QKI: variants seen among roughly 807,000 people sequenced by gnomAD.
QKI encodes the protein QKI, KH domain containing RNA binding.
QKI carries 10 observed loss-of-function variants against 39.0 expected under a neutral mutation model. The observed-to-expected ratio is 0.26, with a 90% CI of 0.16 to 0.43. The LOEUF (loss-of-function observed/expected upper bound fraction) is 0.43. Among genes scored for constraint, QKI ranks in the 20% least tolerant of loss-of-function variants. The pLI, the probability that QKI is intolerant of heterozygous loss-of-function variation, is 1.00. For synonymous variants in QKI, 204 were observed against 155.4 expected (o/e 1.31, Z -2.33); for missense variants, 218 against 428.0 (o/e 0.51, Z 4.33).
chr6:163,495,425 A>G (rs549049522), intron 3 of QKI, among the ~76,000 whole-genome samples: 20 of 152,260 alleles, frequency 1.3e-4, no homozygotes, highest in Non-Finnish European at 1.9e-4. Flanking sequence ...GTATGTACAT[A>G]TATAAAATAA....
At chr6:163,452,085 A>G (rs889305505) in intron 1 of QKI, among the ~76,000 whole-genome samples, 1 of 152,246 alleles carries the variant, frequency 6.6e-6, no homozygotes, top group African/African-American at 2.4e-5. Context: ...TTGAATAAGT[A>G]TATGAAGCAC....
Position 163,455,429 on chromosome 6 carries a change from T to C in QKI, c.285+8T>C, listed in dbSNP as rs1327559590. 1.2e-6 allele frequency: 2 copies of C among 1,607,344 alleles called. No homozygotes were observed. The highest frequency in any genetic ancestry group is 1.7e-5 in the Admixed American group (1 of 59,520). On this transcript the variant is annotated splice_region_variant and intron_variant, in intron 2 of 7. Coordinates refer to ENST00000361752, the MANE Select transcript of QKI (RefSeq NM_006775.3). Reference sequence around the variant, plus strand: ...GTAAAAGAATACCCAGATGTAAGTATATTTTGTTGTTTTATTCAATTTTGT... The same window carrying C: ...GTAAAAGAATACCCAGATGTAAGTACATTTTGTTGTTTTATTCAATTTTGT...
rs1344749357 is a variant in QKI at position 163,564,519 on chromosome 6, C to T, written c.934+800C>T. The T allele has an allele frequency of 4.7e-6, 7 of 1,479,912 alleles. No homozygotes were observed. The Middle Eastern group carries it at 6.5e-4, about 137-fold the overall frequency. 91.7% of individuals were successfully genotyped at this position (1,479,912 alleles called of 1,614,324 possible). A position where few individuals can be genotyped will look rare whatever the true frequency, so the allele number is the denominator to read the frequency against. On this transcript the variant is annotated intron_variant, in intron 6 of 7. Transcript: ENST00000361752. Reference sequence around the variant, plus strand: ...AGAGATACTCTTAATTTCAGTAGTACAGTATGGAATAGTTAAATAAATAGC... The same window carrying T: ...AGAGATACTCTTAATTTCAGTAGTATAGTATGGAATAGTTAAATAAATAGC...
intron 6 of QKI, chr6:163,565,804 C>A: frequency 7.4e-7 from 1 of 1,357,572 alleles, no homozygotes; most frequent in South Asian, 2.2e-5. Context: ...ATTTATGTCA[C>A]ATCTCACATT....
intron 1 of QKI, among the ~76,000 whole-genome samples, chr6:163,424,060 T>C (rs1788211067): frequency 2.0e-5 from 3 of 152,244 alleles, no homozygotes; most frequent in Non-Finnish European, 4.4e-5. Context: ...ATCGTATTCC[T>C]GATGCCAGCA....
At position 163,495,609 on chromosome 6, in the gene QKI, A is replaced by G. The variant is rs141947240; in HGVS notation, c.402+16713A>G. Among the ~76,000 whole-genome samples, 96 of 152,246 alleles carry G rather than the reference A, an allele frequency of 6.3e-4. 2 individuals are homozygous for G. The East Asian group carries it at 0.017, about 28-fold the overall frequency. On this transcript the variant is annotated intron_variant, in intron 3 of 7. Coordinates refer to ENST00000361752, the MANE Select transcript of QKI (RefSeq NM_006775.3). Reference sequence around the variant, plus strand: ...TTATTTGATGGACATTCTAAATTCAAATTTTCCAATTTTTCATTAGTTGTA... The same window carrying G: ...TTATTTGATGGACATTCTAAATTCAGATTTTCCAATTTTTCATTAGTTGTA...
rs997141891 is a variant in QKI, at chr6:163,572,562, T to A, written c.*1852T>A. 1 of 151,744 alleles carries A rather than the reference T, an allele frequency of 6.6e-6. No homozygotes were observed. Among genetic ancestry groups the A allele is most frequent in the South Asian group, 2.1e-4 (1 of 4,806 alleles). The allele number at this position is 151,744 out of a possible 1,614,324, so 9.4% of individuals were successfully genotyped here. On this transcript the variant is annotated 3_prime_UTR_variant, in exon 8 of 8. Coordinates refer to ENST00000361752, the MANE Select transcript of QKI (RefSeq NM_006775.3). ...CTAATTTCTCAAGAAGTTGAAACAGTTAGTTATGTAGTTGAAGCAATTTGT... is the reference window on the plus strand; with the variant it reads ...CTAATTTCTCAAGAAGTTGAAACAGATAGTTATGTAGTTGAAGCAATTTGT...
intron 3 of QKI, among the ~76,000 whole-genome samples, chr6:163,483,028 C>T (rs1310952178): frequency 6.6e-6 from 1 of 152,144 alleles, no homozygotes; most frequent in East Asian, 1.9e-4. Flanking sequence ...CAGAAAGACA[C>T]AAACAGGTTC....
intron 2 of QKI, among the ~76,000 whole-genome samples, chr6:163,473,840 A>G (rs1792381837): frequency 6.6e-6 from 1 of 152,180 alleles, no homozygotes; most frequent in Admixed American, 6.6e-5. Flanking sequence ...TGCTACCAGA[A>G]TAACCTTGAT....
intron 3 of QKI, among the ~76,000 whole-genome samples, chr6:163,489,975 G>T (rs983778012): frequency 6.6e-6 from 1 of 152,004 alleles, no homozygotes; most frequent in Non-Finnish European, 1.5e-5. Flanking sequence ...TCTTCCTTCA[G>T]CCTCCCTTAT....
At position 163,439,371 on chromosome 6, in the gene QKI, G is replaced by A. The variant is rs560200168; in HGVS notation, c.143-15908G>A. On this transcript the variant is annotated intron_variant, in intron 1 of 7. Coordinates refer to ENST00000361752, the MANE Select transcript of QKI (RefSeq NM_006775.3). The stretch of plus-strand genomic sequence containing the variant: ...TTTTTTTTTCGGGGGGGTGGGGGAC[G>A]GAGTCTCACTCTGTTGCCCAGGCTG... Among the ~76,000 whole-genome samples the A allele has an allele frequency of 1.8e-4, 26 of 143,914 alleles. No homozygotes were observed. The East Asian group carries it at 4.6e-3, about 25-fold the overall frequency. The allele number at this position is 143,914 out of a possible 152,430, so 94.4% of individuals were successfully genotyped here.
chr6:163,432,506 G>T lies in QKI; in HGVS notation c.142+17171G>T, dbSNP rs140568285. ...ACTCCTGGGCTCAAGCGATCCTCCTGCCTCAGCCTCCAGAGAGGTAGGACT... is the reference window on the plus strand; with the variant it reads ...ACTCCTGGGCTCAAGCGATCCTCCTTCCTCAGCCTCCAGAGAGGTAGGACT... On this transcript the variant is annotated intron_variant, in intron 1 of 7. Transcript: ENST00000361752. Among the ~76,000 whole-genome samples the T allele has an allele frequency of 2.9e-3, 438 of 151,370 alleles. 2 individuals are homozygous for T. Among genetic ancestry groups the T allele is most frequent in the African/African-American group, 9.9e-3 (406 of 41,156 alleles).
At position 163,576,584 on chromosome 6, in the gene QKI, A is replaced by G. The variant is rs1219162233; in HGVS notation, c.*5874A>G. On this transcript the variant is annotated 3_prime_UTR_variant, in exon 8 of 8. Coordinates refer to ENST00000361752, the MANE Select transcript of QKI (RefSeq NM_006775.3). ...TTTACTGTGGAAATTGTGTATATAT[A>G]TATATATAGTCGAAATAGGTGTTCA... 1 of 152,080 alleles carries G rather than the reference A, an allele frequency of 6.6e-6. No individual in the cohort carries two copies. Among genetic ancestry groups the G allele is most frequent in the East Asian group, 1.9e-4 (1 of 5,204 alleles). 9.4% of individuals were successfully genotyped at this position (152,080 alleles called of 1,614,324 possible). A position where few individuals can be genotyped will look rare whatever the true frequency, so the allele number is the denominator to read the frequency against.
chr6:163,560,256 T>C (rs79957898), intron 4 of QKI, among the ~76,000 whole-genome samples: 6,182 of 152,236 alleles, frequency 0.041, 137 homozygotes, highest in African/African-American at 0.064. Flanking sequence ...CAATTAACTT[T>C]GTCGATAGGT....
intron 3 of QKI, among the ~76,000 whole-genome samples, chr6:163,525,704 A>G (rs1780469127): frequency 6.6e-6 from 1 of 152,052 alleles, no homozygotes; most frequent in South Asian, 2.1e-4. Context: ...AATAATTGTA[A>G]TCTTGATTAT....
At chr6:163,480,253 G>GTCTCTTTC (rs1179778360) in intron 3 of QKI, among the ~76,000 whole-genome samples, 1 of 151,950 alleles carries the variant, frequency 6.6e-6, no homozygotes, top group Admixed American at 6.6e-5. Context: ...CTGTCTGTCT[G>GTCTCTTTC]TCTCTTTCTC....
At chr6:163,422,214 T>C (rs1374675067) in intron 1 of QKI, among the ~76,000 whole-genome samples, 1 of 152,240 alleles carries the variant, frequency 6.6e-6, no homozygotes, top group African/African-American at 2.4e-5. Context: ...CTTCAGTTTC[T>C]TGATGCGGAA....
chr6:163,533,303 C>T lies in QKI; in HGVS notation c.403-1679C>T, dbSNP rs1702781983. 2.6e-5 allele frequency among the ~76,000 whole-genome samples: 4 copies of T among 152,190 alleles called. No individual in the cohort carries two copies. In the South Asian group the frequency reaches 8.3e-4, roughly 32 times the overall value. ...GCCATACAGATAACCCTGAGGTTTC[C>T]AGTTTCTTGATTCATTGACTCCTTG... On this transcript the variant is annotated intron_variant, in intron 3 of 7. Coordinates refer to ENST00000361752, the MANE Select transcript of QKI (RefSeq NM_006775.3).
At chr6:163,483,517 T>C (rs1371781309) in intron 3 of QKI, among the ~76,000 whole-genome samples, 1 of 152,218 alleles carries the variant, frequency 6.6e-6, no homozygotes, top group Non-Finnish European at 1.5e-5. Context: ...TTCAACAGTG[T>C]TCACTGTATC....
Sources: allele counts gnomAD v4.1 joint callset (sites outside exome capture counted in the v4.1 genomes callset), GRCh38; gene constraint gnomAD v4.1.1; transcripts MANE v1.5; gene names NCBI Gene and HGNC (gene_info 2026-07-23, HGNC 2026-07-21).